ENOX1: variants seen among roughly 807,000 people sequenced by gnomAD.
ENOX1 encodes candidate growth-related and time keeping constitutive hydroquinone (NADH) oxidase.
Under a neutral mutation model 82.5 loss-of-function variants are expected in ENOX1, and 42 were observed. The ratio of observed to expected loss-of-function variants is 0.51; its 90% CI spans 0.40 to 0.66. The LOEUF (loss-of-function observed/expected upper bound fraction) is 0.66, where lower values mean the gene tolerates loss of function less well. ENOX1 is among the 30% of genes least tolerant of loss of function. The pLI is 0.00. For synonymous variants in ENOX1, 271 were observed against 282.2 expected, an observed-to-expected ratio of 0.96 and a Z score of 0.40; for missense variants, 608 against 811.6, an observed-to-expected ratio of 0.75 and a Z score of 3.05.
At chr13:43,250,993 T>A (rs1259291039) in intron 14 of ENOX1, among the ~76,000 whole-genome samples, 2 of 152,114 alleles carry the variant, frequency 1.3e-5, no homozygotes, top group African/African-American at 4.8e-5. Context: ...TTACTAGAAA[T>A]GCAAATTCTC....
chr13:43,327,060 C>T (rs1482423737), intron 9 of ENOX1, among the ~76,000 whole-genome samples: 1 of 152,164 alleles, frequency 6.6e-6, no homozygotes, highest in African/African-American at 2.4e-5. Flanking sequence ...CATGTCTCCC[C>T]TCAATCTCAG....
At chr13:43,506,185 T>C (rs1265373377) in intron 2 of ENOX1, among the ~76,000 whole-genome samples, 1 of 152,014 alleles carries the variant, frequency 6.6e-6, no homozygotes, top group African/African-American at 2.4e-5. Context: ...TCAGGTAGCA[T>C]GATGCCTCCA....
intron 5 of ENOX1, among the ~76,000 whole-genome samples, chr13:43,404,368 G>C (rs960716724): frequency 1.3e-5 from 2 of 152,108 alleles, no homozygotes; most frequent in African/African-American, 4.8e-5. Flanking sequence ...TCTTTGAAGA[G>C]GATAAGCTCC....
chr13:43,473,630 T>G (rs1593381694), intron 3 of ENOX1, among the ~76,000 whole-genome samples: 1 of 152,188 alleles, frequency 6.6e-6, no homozygotes, highest in East Asian at 1.9e-4. Context: ...GCATACGCAC[T>G]CATCTCTGGG....
At chr13:43,489,566 G>T (rs901793882) in intron 2 of ENOX1, among the ~76,000 whole-genome samples, 5 of 152,196 alleles carry the variant, frequency 3.3e-5, no homozygotes, top group African/African-American at 1.2e-4. Flanking sequence ...CAGAGCCACT[G>T]CAGAGAGTCC....
At chr13:43,769,877 T>G (rs777089937) in intron 1 of ENOX1, among the ~76,000 whole-genome samples, 1 of 152,148 alleles carries the variant, frequency 6.6e-6, no homozygotes, top group Non-Finnish European at 1.5e-5. Flanking sequence ...AAACAAAAGC[T>G]CACAACAGGC....
intron 5 of ENOX1, among the ~76,000 whole-genome samples, chr13:43,375,263 G>A (rs1189685714): frequency 2.0e-5 from 3 of 151,864 alleles, no homozygotes; most frequent in Non-Finnish European, 4.4e-5. Flanking sequence ...AACGGGGCGG[G>A]GGGTGAGTGA....
At chr13:43,331,944 A>G (rs1464607737) in intron 9 of ENOX1, among the ~76,000 whole-genome samples, 1 of 152,224 alleles carries the variant, frequency 6.6e-6, no homozygotes, top group Non-Finnish European at 1.5e-5. Flanking sequence ...GAGAATGAAT[A>G]CGGTCAAACC....
intron 2 of ENOX1, among the ~76,000 whole-genome samples, chr13:43,597,283 C>T (rs367668248): frequency 1.3e-5 from 2 of 152,060 alleles, no homozygotes; most frequent in African/African-American, 4.8e-5. Flanking sequence ...TGGGTGGGGA[C>T]GCAGAGCCAA....
intron 2 of ENOX1, among the ~76,000 whole-genome samples, chr13:43,573,615 GCTGGCAACACAACACAGCACAACACAACA>G (rs2080283212): frequency 6.6e-6 from 1 of 152,174 alleles, no homozygotes; most frequent in Non-Finnish European, 1.5e-5. Context: ...ACAGATGTAA[GCTGGCAACACAACACAGCACAACACAACA>G]CTGGCAACAC....
At chr13:43,708,049 T>G (rs1027452260) in intron 1 of ENOX1, among the ~76,000 whole-genome samples, 1 of 151,992 alleles carries the variant, frequency 6.6e-6, no homozygotes, top group African/African-American at 2.4e-5. Context: ...GGAAAGGCAG[T>G]TTCCCAGTAG....
Position 43,356,166 on chromosome 13 carries a change from A to AAACTCTGGTCACACCATAATGT in ENOX1, c.590-36_590-15dup, listed in dbSNP as rs551751432. ...GCATCCTATAACCTGAAACCAATGG[A>AAACTCTGGTCACACCATAATGT]AACTCTGGTCACACCATAATGTAAC... On this transcript the variant is annotated splice_polypyrimidine_tract_variant and intron_variant, in intron 7 of 16. Transcript: ENST00000690772. The AAACTCTGGTCACACCATAATGT allele has an allele frequency of 1.3e-4, 202 of 1,612,486 alleles. No homozygotes were observed. In the East Asian group the frequency reaches 2.7e-3, roughly 21 times the overall value.
intron 3 of ENOX1, among the ~76,000 whole-genome samples, chr13:43,430,788 T>C (rs2055609039): frequency 6.6e-6 from 1 of 152,260 alleles, no homozygotes; most frequent in Non-Finnish European, 1.5e-5. Flanking sequence ...TAGCTCCTTT[T>C]TCATCTCTTA....
At chr13:43,457,572 A>G (rs1422661756) in intron 3 of ENOX1, among the ~76,000 whole-genome samples, 2 of 152,174 alleles carry the variant, frequency 1.3e-5, no homozygotes, top group Admixed American at 6.5e-5. Flanking sequence ...ATTTTAAAAC[A>G]GAACAGCAGG....
chr13:43,365,542 C>A (rs886702055), intron 5 of ENOX1, among the ~76,000 whole-genome samples: 3 of 152,058 alleles, frequency 2.0e-5, no homozygotes, highest in African/African-American at 7.3e-5. Context: ...ACAGGGCCTG[C>A]ACCCCCTGGT....
chr13:43,508,047 G>A (rs1347094198), intron 2 of ENOX1, among the ~76,000 whole-genome samples: 1 of 151,864 alleles, frequency 6.6e-6, no homozygotes, highest in Non-Finnish European at 1.5e-5. Context: ...GAGAGAAACT[G>A]GAAGGCATTA....
Position 43,526,518 on chromosome 13 carries a change from A to G in ENOX1, c.-218-42366T>C, listed in dbSNP as rs555948812. On this transcript the variant is annotated intron_variant, in intron 2 of 16. Coordinates refer to ENST00000690772, the MANE Select transcript of ENOX1 (RefSeq NM_001347969.2). ...AAAAATAAAATTTTAATGTTCTTTG[A>G]ACTAGAAGGCCAGGAAAAGAAACAG... Among the ~76,000 whole-genome samples the G allele has an allele frequency of 1.5e-3, 229 of 152,272 alleles. 4 individuals carry two copies. Among genetic ancestry groups the G allele is most frequent in the South Asian group, 9.9e-3 (48 of 4,826 alleles).
intron 10 of ENOX1, among the ~76,000 whole-genome samples, chr13:43,325,574 TA>T (rs1360692289): frequency 6.6e-6 from 1 of 152,184 alleles, no homozygotes; most frequent in African/African-American, 2.4e-5. Flanking sequence ...CCAAAATCAT[TA>T]AATAAATAAA....
At chr13:43,594,482 T>C (rs2081374476) in intron 2 of ENOX1, among the ~76,000 whole-genome samples, 1 of 152,234 alleles carries the variant, frequency 6.6e-6, no homozygotes, top group Non-Finnish European at 1.5e-5. Context: ...TTCAAAAGGC[T>C]AATTAGTTAT....
Sources: allele counts gnomAD v4.1 joint callset (sites outside exome capture counted in the v4.1 genomes callset), GRCh38; gene constraint gnomAD v4.1.1; transcripts MANE v1.5; gene names NCBI Gene and HGNC (gene_info 2026-07-23, HGNC 2026-07-21).